Variants in ARHGAP26 observed in about 807,000 individuals in gnomAD.
ARHGAP26 encodes the protein rho GTPase-activating protein 26.
A neutral mutation model predicts 104.8 loss-of-function variants in ARHGAP26; 38 were observed. The observed-to-expected ratio is 0.36, with a 90% CI of 0.28 to 0.48. The LOEUF (loss-of-function observed/expected upper bound fraction) is 0.48. Among genes scored for constraint, ARHGAP26 ranks in the 20% least tolerant of loss-of-function variants. The pLI, the probability that ARHGAP26 is intolerant of heterozygous loss-of-function variation, is 0.99. For synonymous variants in ARHGAP26, 341 were observed against 340.0 expected (o/e 1.00, Z -0.03); for missense variants, 704 against 947.9 (o/e 0.74, Z 3.38).
chr5:143,077,038 C>A (rs1192354397), intron 17 of ARHGAP26, among the ~76,000 whole-genome samples: 7 of 152,136 alleles, frequency 4.6e-5, no homozygotes, highest in African/African-American at 1.7e-4. Flanking sequence ...TAGATAGTGC[C>A]ACATTATTCT....
chr5:143,093,232 T>C (rs928311118), intron 17 of ARHGAP26, among the ~76,000 whole-genome samples: 3 of 152,154 alleles, frequency 2.0e-5, no homozygotes, highest in Non-Finnish European at 2.9e-5. Flanking sequence ...TTTTAGACTT[T>C]CTGCTTTCTT....
intron 1 of ARHGAP26, among the ~76,000 whole-genome samples, chr5:142,852,442 T>TG (rs1751677121): frequency 6.6e-6 from 1 of 152,224 alleles, no homozygotes; most frequent in Admixed American, 6.5e-5. Context: ...GGATCAGCAA[T>TG]CTTAAAACCA....
chr5:142,839,965 C>T (rs1454841468), intron 1 of ARHGAP26, among the ~76,000 whole-genome samples: 1 of 151,902 alleles, frequency 6.6e-6, no homozygotes, highest in Non-Finnish European at 1.5e-5. Flanking sequence ...TATTATTTTC[C>T]CCATGTTCTT....
intron 17 of ARHGAP26, among the ~76,000 whole-genome samples, chr5:143,113,894 T>A (rs1795081915): frequency 6.6e-6 from 1 of 152,176 alleles, no homozygotes; most frequent in Admixed American, 6.5e-5. Context: ...AGGTTGGACT[T>A]GCCCTGGTGG....
At position 142,968,048 on chromosome 5, in the gene ARHGAP26, A is replaced by G. The variant is rs147524757; in HGVS notation, c.1107+35923A>G. Among the ~76,000 whole-genome samples the G allele has an allele frequency of 1.7e-4, 26 of 152,232 alleles. No individual in the cohort carries two copies. In the East Asian group the frequency reaches 5.0e-3, roughly 29 times the overall value. ...TAGGTAACAGATCCGGAGCAGCTTT[A>G]CTTCTTGCTTCTCCTCCTCTTCCTC... On this transcript the variant is annotated intron_variant, in intron 11 of 22. Transcript: ENST00000645722.
intron 14 of ARHGAP26, among the ~76,000 whole-genome samples, chr5:143,050,163 A>C (rs1363127366): frequency 2.0e-5 from 3 of 152,156 alleles, no homozygotes; most frequent in Non-Finnish European, 2.9e-5. Flanking sequence ...GATTTTCCTC[A>C]GGCCTTCATC....
At chr5:142,984,308 T>C (rs962142792) in intron 11 of ARHGAP26, among the ~76,000 whole-genome samples, 1 of 152,158 alleles carries the variant, frequency 6.6e-6, no homozygotes, top group African/African-American at 2.4e-5. Context: ...CTGGGTAAAA[T>C]CTTGCTCCCA....
rs114895301 is a variant in ARHGAP26 at position 142,849,502 on chromosome 5, C to T, written c.155-23898C>T. Among the ~76,000 whole-genome samples, 1,523 of 152,336 alleles carry T rather than the reference C, an allele frequency of 1.0e-2. 44 individuals carry two copies. Among genetic ancestry groups the T allele is most frequent in the African/African-American group, 0.035 (1,437 of 41,564 alleles). On this transcript the variant is annotated intron_variant, in intron 1 of 22. Transcript: ENST00000645722. ...TCTCCTCCTCCATTGACAGTGTGCT[C>T]TCCATGCTTCATTCATCCCCTTCTG...
At chr5:143,191,964 C>T (rs1028404883) in intron 20 of ARHGAP26, among the ~76,000 whole-genome samples, 17 of 152,224 alleles carry the variant, frequency 1.1e-4, no homozygotes, top group Admixed American at 1.1e-3. Flanking sequence ...TCAGAAATGT[C>T]TGCCTTCCCT....
chr5:142,785,275 C>T (rs1351856342), intron 1 of ARHGAP26, among the ~76,000 whole-genome samples: 3 of 152,192 alleles, frequency 2.0e-5, no homozygotes, highest in Non-Finnish European at 2.9e-5. Flanking sequence ...TCTTGTGAAG[C>T]CACATACCCT....
At chr5:143,134,758 G>A (rs971458757) in intron 19 of ARHGAP26, among the ~76,000 whole-genome samples, 1 of 152,172 alleles carries the variant, frequency 6.6e-6, no homozygotes, top group African/African-American at 2.4e-5. Context: ...ATACAGTATT[G>A]TTTCAGCCTT....
At chr5:142,873,315 T>A (rs1342578646) in intron 1 of ARHGAP26, 85 bp from the exon 2 acceptor site, 1 of 953,392 alleles carries the variant, frequency 1.0e-6, no homozygotes, top group Admixed American at 2.5e-5. Flanking sequence ...CCTAAGATAT[T>A]CCTAGAAGGA....
intron 11 of ARHGAP26, among the ~76,000 whole-genome samples, chr5:142,977,878 C>T (rs1344752314): frequency 6.6e-6 from 1 of 152,230 alleles, no homozygotes; most frequent in Non-Finnish European, 1.5e-5. Context: ...GTTCGTACCA[C>T]TACTGCTTTC....
At chr5:142,901,573 G>A (rs535800498) in intron 6 of ARHGAP26, among the ~76,000 whole-genome samples, 3 of 152,338 alleles carry the variant, frequency 2.0e-5, no homozygotes, top group South Asian at 2.1e-4. Context: ...AGGAAATGAT[G>A]TTCTCAGCAG....
intron 1 of ARHGAP26, among the ~76,000 whole-genome samples, chr5:142,836,379 T>G (rs1323380247): frequency 6.6e-6 from 1 of 152,206 alleles, no homozygotes; most frequent in Non-Finnish European, 1.5e-5. Context: ...GAGATGTTCC[T>G]TTTTCCCAAT....
intron 17 of ARHGAP26, among the ~76,000 whole-genome samples, chr5:143,076,283 C>T (rs1157115382): frequency 6.6e-6 from 1 of 151,138 alleles, no homozygotes; most frequent in Non-Finnish European, 1.5e-5. Flanking sequence ...CAAGAATGAG[C>T]CCCCATGCTC....
At chr5:143,031,566 A>C (rs1289193166) in intron 12 of ARHGAP26, among the ~76,000 whole-genome samples, 1 of 148,560 alleles carries the variant, frequency 6.7e-6, no homozygotes, top group East Asian at 2.0e-4. Flanking sequence ...GACCACCTAC[A>C]CACCTCTTTT....
intron 1 of ARHGAP26, among the ~76,000 whole-genome samples, chr5:142,780,101 A>G (rs1757192593): frequency 6.6e-6 from 1 of 152,222 alleles, no homozygotes; most frequent in East Asian, 1.9e-4. Flanking sequence ...GCCAACAAAT[A>G]CACATACACA....
intron 14 of ARHGAP26, among the ~76,000 whole-genome samples, chr5:143,042,473 A>C (rs1783608466): frequency 6.6e-6 from 1 of 152,202 alleles, no homozygotes. Context: ...AGTGTCTCCA[A>C]ATGTGCAGTA....
Sources: gnomAD v4.1 joint callset for allele counts (sites outside exome capture counted in the v4.1 genomes callset) on GRCh38, gnomAD v4.1.1 for gene constraint, MANE v1.5 for transcripts, NCBI Gene and HGNC (gene_info 2026-07-23, HGNC 2026-07-21) for gene names.